NACC1: variants seen among roughly 807,000 people sequenced by gnomAD.
The protein encoded by NACC1 is nucleus accumbens-associated protein 1.
A neutral mutation model predicts 41.7 loss-of-function variants in NACC1; 6 were observed. The ratio of observed to expected loss-of-function variants is 0.14; its 90% CI spans 0.08 to 0.28. NACC1 has a LOEUF of 0.28. Among genes scored for constraint, NACC1 ranks in the 10% least tolerant of loss-of-function variants. The pLI is 1.00. For missense variants in NACC1, 434 were observed against 763.7 expected, an observed-to-expected ratio of 0.57 and a Z score of 5.09; for synonymous variants, 338 against 330.6, an observed-to-expected ratio of 1.02 and a Z score of -0.24.
intron 1 of NACC1, among the ~76,000 whole-genome samples, chr19:13,126,048 CT>C (rs79360796): frequency 0.01 from 1,477 of 140,682 alleles, 13 homozygotes; most frequent in African/African-American, 0.024. Flanking sequence ...AAAGGCCTAA[CT>C]TTTTTTTTTT....
chr19:13,125,800 C>T (rs540536781), intron 1 of NACC1, among the ~76,000 whole-genome samples: 3 of 152,018 alleles, frequency 2.0e-5, no homozygotes, highest in Admixed American at 6.6e-5. Flanking sequence ...AGTGCAGTGG[C>T]GTGATCTTGG....
chr19:13,122,792 A>G (rs756384904), intron 1 of NACC1, among the ~76,000 whole-genome samples: 1 of 152,018 alleles, frequency 6.6e-6, no homozygotes, highest in Non-Finnish European at 1.5e-5. Flanking sequence ...GGTCTGGGAG[A>G]TGGTGAGAGG....
At chr19:13,116,882 C>T (rs2019390184), upstream of NACC1, 1 of 178,498 alleles carries the variant, frequency 5.6e-6, no homozygotes. Flanking sequence ...TGGGAGAGGA[C>T]ACGTCCCTAG....
intron 1 of NACC1, among the ~76,000 whole-genome samples, chr19:13,118,665 T>A (rs1267524576): frequency 6.7e-6 from 1 of 149,552 alleles, no homozygotes; most frequent in Admixed American, 6.6e-5. Context: ...GGCGGCAGGA[T>A]CGTACCTGGA....
chr19:13,122,137 G>A (rs1168198045), intron 1 of NACC1, among the ~76,000 whole-genome samples: 2 of 152,196 alleles, frequency 1.3e-5, no homozygotes, highest in Non-Finnish European at 2.9e-5. Flanking sequence ...CGTGTCTTAG[G>A]TTGTGATCTG....
rs1174225283 is a variant in NACC1, at chr19:13,136,913, G to A, written c.1121-358G>A. Among the ~76,000 whole-genome samples, 1 of 152,178 alleles carries A rather than the reference G, an allele frequency of 6.6e-6. No individual in the cohort carries two copies. Among genetic ancestry groups the A allele is most frequent in the African/African-American group, 2.4e-5 (1 of 41,434 alleles). ...TCCTTGGGTCAGAGTGCCTAGGTGT[G>A]AGCCTCCACTCCCTGTTGGTCCTGC... is the stretch of plus-strand genomic sequence containing the variant. On this transcript the variant is annotated intron_variant, in intron 3 of 5. Coordinates refer to ENST00000292431, the MANE Select transcript of NACC1 (RefSeq NM_052876.4). The surrounding 1 kb of genome is among the most constrained non-coding windows in gnomAD (Gnocchi z 5.5).
Position 13,137,846 on chromosome 19 carries a change from T to A in NACC1, c.1324+271T>A, listed in dbSNP as rs979351291. Among the ~76,000 whole-genome samples the A allele has an allele frequency of 6.6e-6, 1 of 152,190 alleles. No homozygotes were observed. The highest frequency in any genetic ancestry group is 6.5e-5 in the Admixed American group (1 of 15,280). On this transcript the variant is annotated intron_variant, in intron 5 of 5. Transcript: ENST00000292431. This position sits in a 1 kb window ranked among gnomAD's most constrained non-coding sequence, Gnocchi z 6.1. The stretch of plus-strand genomic sequence containing the variant: ...GAGGGATGAGGCAGCCAGACAGTGC[T>A]AGCCACTCGTCATGGGGGGCATCTA...
chr19:13,118,679 C>T (rs1204859773), intron 1 of NACC1, among the ~76,000 whole-genome samples: 1 of 150,916 alleles, frequency 6.6e-6, no homozygotes, highest in African/African-American at 2.4e-5. Context: ...ACCTGGACCG[C>T]TCCCCCGTCT....
At chr19:13,128,735 G>A (rs2019595547) in intron 1 of NACC1, among the ~76,000 whole-genome samples, 1 of 152,258 alleles carries the variant, frequency 6.6e-6, no homozygotes, top group African/African-American at 2.4e-5. Flanking sequence ...AGCTCCAGAG[G>A]CAGGGCTACT....
In NACC1 at chr19:13,119,798, C is replaced by T. The variant is rs1413770331; in HGVS notation, c.-9+1344C>T. On this transcript the variant is annotated intron_variant, in intron 1 of 5. Transcript: ENST00000292431. Reference sequence around the variant, plus strand: ...CCCAGGGATCTACCTCTGGGACACTCGTCCTGGGCCAGGCCCTGTGCCGAG... The same window carrying T: ...CCCAGGGATCTACCTCTGGGACACTTGTCCTGGGCCAGGCCCTGTGCCGAG... Among the ~76,000 whole-genome samples the T allele has an allele frequency of 6.6e-5, 10 of 152,204 alleles. 1 individual carries two copies. Among genetic ancestry groups the T allele is most frequent in the Non-Finnish European group, 1.5e-5 (1 of 68,030 alleles).
At chr19:13,132,436 G>A (rs1397890665) in intron 1 of NACC1, 1 of 150,768 alleles carries the variant, frequency 6.6e-6, no homozygotes, top group Non-Finnish European at 1.5e-5. Context: ...AAAAAGTGCT[G>A]GGATTACAGG....
Position 13,136,225 on chromosome 19 carries a change from C to T in NACC1, c.947-7C>T. Reference sequence around the variant, plus strand: ...CCTGCCACTCGCGTGCCACTCTCTCCCTGCAGCCGAGAAGGTGGAGGCCCT... The same window carrying T: ...CCTGCCACTCGCGTGCCACTCTCTCTCTGCAGCCGAGAAGGTGGAGGCCCT... On this transcript the variant is annotated splice_region_variant and splice_polypyrimidine_tract_variant and intron_variant, in intron 2 of 5. Transcript: ENST00000292431. The surrounding 1 kb of genome is among the most constrained non-coding windows in gnomAD (Gnocchi z 5.5). 2.5e-6 allele frequency: 4 copies of T among 1,610,142 alleles called. No individual in the cohort carries two copies. The highest frequency in any genetic ancestry group is 3.4e-6 in the Non-Finnish European group (4 of 1,177,752).
intron 1 of NACC1, among the ~76,000 whole-genome samples, chr19:13,123,065 C>T (rs1297224520): frequency 2.0e-5 from 3 of 152,016 alleles, no homozygotes; most frequent in Non-Finnish European, 4.4e-5. Context: ...GAGCCTAGTA[C>T]AATAGTAGGA....
intron 1 of NACC1, among the ~76,000 whole-genome samples, chr19:13,129,691 C>T (rs2019608184): frequency 6.6e-6 from 1 of 152,208 alleles, no homozygotes; most frequent in Non-Finnish European, 1.5e-5. Context: ...TCAAAGGCTC[C>T]AAAGCCCTGG....
At chr19:13,122,706 T>A (rs1599983021) in intron 1 of NACC1, among the ~76,000 whole-genome samples, 1 of 151,964 alleles carries the variant, frequency 6.6e-6, no homozygotes, top group South Asian at 2.1e-4. Flanking sequence ...GCGTCTGGGG[T>A]GTGAGTGGAC....
rs118024027 is a variant in NACC1, at chr19:13,138,039, C to T, written c.1325-108C>T. ...GGTGTCCTGGCCGCGTGGCCTCACT[C>T]GTTTCCCCTTTGAGAGGGAGTCGCA... On this transcript the variant is annotated intron_variant, in intron 5 of 5. Coordinates refer to ENST00000292431, the MANE Select transcript of NACC1 (RefSeq NM_052876.4). This position sits in a 1 kb window ranked among gnomAD's most constrained non-coding sequence, Gnocchi z 5.7. 1.1e-4 allele frequency: 162 copies of T among 1,513,398 alleles called. No homozygotes were observed. The East Asian group carries it at 3.6e-3, about 34-fold the overall frequency. The allele number at this position is 1,513,398 out of a possible 1,614,324, so 93.7% of individuals were successfully genotyped here.
chr19:13,131,381 G>A (rs1160693823), intron 1 of NACC1, among the ~76,000 whole-genome samples: 1 of 152,204 alleles, frequency 6.6e-6, no homozygotes, highest in Non-Finnish European at 1.5e-5. Flanking sequence ...CTCTTCCCTT[G>A]ACCATCTTGG....
rs2019431610 is a variant in NACC1 at position 13,118,427 on chromosome 19, G to C, written c.-36G>C. 6.7e-6 allele frequency: 1 copy of C among 149,234 alleles called. No homozygotes were observed. Among genetic ancestry groups the C allele is most frequent in the African/African-American group, 2.4e-5 (1 of 41,072 alleles). The allele number at this position is 149,234 out of a possible 1,614,324, so 9.2% of individuals were successfully genotyped here. A position where few individuals can be genotyped will look rare whatever the true frequency, so the allele number is the denominator to read the frequency against. The stretch of plus-strand genomic sequence containing the variant: ...CAGCCGCCGCTGCGGAGCCCGCCGG[G>C]ACCCCCCGGAGCGCGGCCACGGCGC... On this transcript the variant is annotated 5_prime_UTR_variant, in exon 1 of 6. Coordinates refer to ENST00000292431, the MANE Select transcript of NACC1 (RefSeq NM_052876.4).
Position 13,138,460 on chromosome 19 carries a change from C to G in NACC1, c.*54C>G. On this transcript the variant is annotated 3_prime_UTR_variant, in exon 6 of 6. Coordinates refer to ENST00000292431, the MANE Select transcript of NACC1 (RefSeq NM_052876.4). This position sits in a 1 kb window ranked among gnomAD's most constrained non-coding sequence, Gnocchi z 5.7. ...CTTCCCCTCCCAACACACACACACA[C>G]CTGCCATCTTGGTCATGAGCTACTG... 1.3e-6 allele frequency: 2 copies of G among 1,585,070 alleles called. No homozygotes were observed. The highest frequency in any genetic ancestry group is 1.7e-6 in the Non-Finnish European group (2 of 1,169,826).
Sources: allele counts gnomAD v4.1 joint callset (sites outside exome capture counted in the v4.1 genomes callset), GRCh38; gene constraint gnomAD v4.1.1; non-coding constraint Gnocchi (gnomAD v3.1); transcripts MANE v1.5; gene names NCBI Gene and HGNC (gene_info 2026-07-23, HGNC 2026-07-21).